Variants in FAM222B observed in about 807,000 individuals in gnomAD.
FAM222B encodes the protein family with sequence similarity 222 member B, also known as protein FAM222B.
Under a neutral mutation model 38.0 loss-of-function variants are expected in FAM222B, and 12 were observed. That is an observed-to-expected ratio of 0.32 (90% CI 0.20 to 0.51). The LOEUF is 0.51. Among genes scored for constraint, FAM222B ranks in the 20% least tolerant of loss-of-function variants. The probability of loss-of-function intolerance (pLI) is 0.97; values close to 1 mark genes in which losing one functional copy is unlikely to be tolerated. For synonymous variants in FAM222B, 329 were observed against 317.2 expected, an observed-to-expected ratio of 1.04 and a Z score of -0.40; for missense variants, 716 against 754.2, an observed-to-expected ratio of 0.95 and a Z score of 0.59.
rs201607912 is a variant in FAM222B, at chr17:28,758,379, C to A, written c.1580G>T (p.Arg527Leu). The change falls in exon 3 of 3, where the codon CGA (arginine) becomes CTA (leucine). Residue 527 changes from arginine (R) to leucine (L), a missense_variant. Coordinates refer to ENST00000581407, the MANE Select transcript of FAM222B (RefSeq NM_001077498.3). ...LSGDFQQACF[R>L]EQSLAMLSKA... The stretch of plus-strand genomic sequence containing the variant: ...GCTCAGCATGGCCAGGCTCTGTTCT[C>A]GGAAGCAGGCCTGTTGGAAATCCCC... The A allele has an allele frequency of 1.9e-6, 3 of 1,613,670 alleles. No individual in the cohort carries two copies. The African/African-American group carries it at 4.0e-5, about 22-fold the overall frequency.
At chr17:28,795,074 T>C (rs369272766) in intron 1 of FAM222B, among the ~76,000 whole-genome samples, 71 of 149,304 alleles carry the variant, frequency 4.8e-4, no homozygotes, top group Non-Finnish European at 8.4e-4. Context: ...GCCTGGGCAA[T>C]AGAGTGAGAC....
intron 1 of FAM222B, among the ~76,000 whole-genome samples, chr17:28,771,549 T>C (rs1196921475): frequency 6.6e-6 from 1 of 151,748 alleles, no homozygotes; most frequent in African/African-American, 2.4e-5. Context: ...GGCGTGGTGA[T>C]GGGCACCTGT....
chr17:28,760,315 T>C (rs1279228195), intron 2 of FAM222B, among the ~76,000 whole-genome samples: 2 of 151,986 alleles, frequency 1.3e-5, no homozygotes, highest in African/African-American at 4.8e-5. Context: ...GGCTCACACT[T>C]GTAAATCCCA....
Position 28,776,452 on chromosome 17 carries a change from C to CTTT in FAM222B, c.-40-9748_-40-9746dup, listed in dbSNP as rs397857136. Among the ~76,000 whole-genome samples, 188 of 90,972 alleles carry CTTT rather than the reference C, an allele frequency of 2.1e-3. 1 individual carries two copies. Among genetic ancestry groups the CTTT allele is most frequent in the African/African-American group, 2.5e-3 (53 of 21,392 alleles). The allele number at this position is 90,972 out of a possible 152,430, so 59.7% of individuals were successfully genotyped here. A position where few individuals can be genotyped will look rare whatever the true frequency, so the allele number is the denominator to read the frequency against. Reference sequence around the variant, plus strand: ...TGAGCCAAAGGCTTACCTAAAAAGACTTTTTTTTTTTTTTTTTTTTTTGAG... The same window carrying CTTT: ...TGAGCCAAAGGCTTACCTAAAAAGACTTTTTTTTTTTTTTTTTTTTTTTTTGAG... On this transcript the variant is annotated intron_variant, in intron 1 of 2. Transcript: ENST00000581407.
Position 28,759,852 on chromosome 17 carries a change from G to C in FAM222B, c.107C>G (p.Thr36Ser). The C allele has an allele frequency of 6.4e-7, 1 of 1,554,144 alleles. No homozygotes were observed. The highest frequency in any genetic ancestry group is 2.4e-5 in the East Asian group (1 of 41,692). ...QKWDTTQKMR[T>S]AHYPTPAELD... ...TTCGGCTGGGGTAGGATAGTGAGCA[G>C]TTCTCATTTTCTGTGTAGTGTCCCC... is the stretch of plus-strand genomic sequence containing the variant. The change falls in exon 3 of 3, where the codon ACT becomes AGT. Residue 36 changes from threonine to serine, a missense_variant. Physicochemically the swap from Thr to Ser is moderately conservative, Grantham distance 58 (BLOSUM62 1). Coordinates refer to ENST00000581407, the MANE Select transcript of FAM222B (RefSeq NM_001077498.3). This position sits in a 1 kb window ranked among gnomAD's most constrained non-coding sequence, Gnocchi z 4.8.
chr17:28,845,130 G>A (rs927057388), upstream of FAM222B, among the ~76,000 whole-genome samples: 1 of 150,066 alleles, frequency 6.7e-6, no homozygotes, highest in Non-Finnish European at 1.5e-5. Context: ...GGCCGGGCGC[G>A]GTGGCTCAGG....
rs115344034 is a variant in FAM222B at position 28,824,541 on chromosome 17, A to G, written c.-41+18141T>C. ...CCCATATCAATTAACAGCAACAACC[A>G]TTTACCTCCCTGGTTGCTCCAGTCA... On this transcript the variant is annotated intron_variant, in intron 1 of 2. Coordinates refer to ENST00000581407, the MANE Select transcript of FAM222B (RefSeq NM_001077498.3). 4.1e-3 allele frequency among the ~76,000 whole-genome samples: 626 copies of G among 151,996 alleles called. 7 individuals carry two copies. The highest frequency in any genetic ancestry group is 0.013 in the African/African-American group (557 of 41,442).
chr17:28,831,451 TATTTTA>T (rs2038664911), intron 1 of FAM222B, among the ~76,000 whole-genome samples: 1 of 151,976 alleles, frequency 6.6e-6, no homozygotes, highest in Non-Finnish European at 1.5e-5. Context: ...TTGTTTTGGC[TATTTTA>T]GTCCCTTTGC....
intron 1 of FAM222B, among the ~76,000 whole-genome samples, chr17:28,806,495 T>C (rs1010521692): frequency 3.3e-5 from 5 of 152,162 alleles, no homozygotes; most frequent in African/African-American, 9.7e-5. Flanking sequence ...GGCACCACGG[T>C]GCACACCTGT....
chr17:28,766,457 TA>T (rs749007741), intron 2 of FAM222B, 128 bp downstream of exon 2: 111,305 of 579,286 alleles, frequency 0.19, no homozygotes, highest in South Asian at 0.24. Context: ...GACTTCGTCT[TA>T]AAAAAAAAAA....
intron 1 of FAM222B, among the ~76,000 whole-genome samples, chr17:28,835,338 A>G (rs2152620981): frequency 6.6e-6 from 1 of 152,096 alleles, no homozygotes; most frequent in Admixed American, 6.6e-5. Flanking sequence ...TCTGGCCAAC[A>G]GTGAACTCTT....
At chr17:28,761,896 A>T (rs181414036) in intron 2 of FAM222B, 1 of 152,282 alleles carries the variant, frequency 6.6e-6, no homozygotes, top group East Asian at 1.9e-4. Flanking sequence ...ATAATCTCAT[A>T]TAATACTCCT....
intron 1 of FAM222B, among the ~76,000 whole-genome samples, chr17:28,826,515 TACTAA>T (rs1326750312): frequency 1.3e-5 from 2 of 151,848 alleles, no homozygotes; most frequent in African/African-American, 4.8e-5. Flanking sequence ...ACCCTGTCTC[TACTAA>T]ACACAAAAAA....
intron 2 of FAM222B, among the ~76,000 whole-genome samples, chr17:28,765,762 A>G (rs962892472): frequency 2.0e-4 from 30 of 152,216 alleles, no homozygotes; most frequent in African/African-American, 6.8e-4. Context: ...CAAAGGCTCA[A>G]TCTTCTGGGA....
At chr17:28,800,699 G>A (rs529059254) in intron 1 of FAM222B, among the ~76,000 whole-genome samples, 1 of 152,106 alleles carries the variant, frequency 6.6e-6, no homozygotes, top group South Asian at 2.1e-4. Flanking sequence ...TTCTAACACA[G>A]TATCACTCTC....
At chr17:28,837,724 C>T (rs962198965) in intron 1 of FAM222B, among the ~76,000 whole-genome samples, 1 of 151,446 alleles carries the variant, frequency 6.6e-6, no homozygotes. Flanking sequence ...ATGAGCTCGG[C>T]TCATTACCAC....
chr17:28,825,820 G>C (rs1018868168), intron 1 of FAM222B, among the ~76,000 whole-genome samples: 1 of 152,120 alleles, frequency 6.6e-6, no homozygotes, highest in Non-Finnish European at 1.5e-5. Context: ...CTGTCTCGCA[G>C]GCTGGAATGC....
chr17:28,809,675 A>C (rs2037653020), intron 1 of FAM222B, among the ~76,000 whole-genome samples: 1 of 152,126 alleles, frequency 6.6e-6, no homozygotes, highest in Non-Finnish European at 1.5e-5. Flanking sequence ...ATCAGTCAAA[A>C]AAATAGAAAT....
intron 2 of FAM222B, among the ~76,000 whole-genome samples, chr17:28,761,716 T>A (rs556434228): frequency 6.6e-6 from 1 of 152,250 alleles, no homozygotes; most frequent in South Asian, 2.1e-4. Flanking sequence ...CACAAGCAGA[T>A]CTGGGCAAAA....
Sources: gnomAD v4.1 joint callset for allele counts (sites outside exome capture counted in the v4.1 genomes callset) on GRCh38, gnomAD v4.1.1 for gene constraint, Gnocchi (gnomAD v3.1) non-coding constraint, MANE v1.5 for transcripts, NCBI Gene and HGNC (gene_info 2026-07-23, HGNC 2026-07-21) for gene names.